The following SSX1 variants were observed in gnomAD, a reference collection of about 807,000 sequenced individuals.
The protein encoded by SSX1 is SSX family member 1.
In SSX1, 58 loss-of-function variants were observed where a neutral mutation model predicts 14.6. That is an observed-to-expected ratio of 3.96 (90% CI 3.21 to 4.93). The LOEUF is 4.93. Among genes scored for constraint, SSX1 ranks in the 30% most tolerant of loss-of-function variants. The pLI is 0.00. For synonymous variants in SSX1, 46 were observed against 52.1 expected (o/e 0.88, Z 0.50); for missense variants, 272 against 143.1 (o/e 1.90, Z -4.60).
rs1313854393 is a variant in SSX1 at position 48,262,490 on chromosome X, G to C, written c.330+675G>C. Among the ~76,000 whole-genome samples the C allele has an allele frequency of 3.6e-5, 4 of 111,737 alleles. No homozygotes were observed. In the East Asian group the frequency reaches 1.1e-3, roughly 32 times the overall value. On this transcript the variant is annotated intron_variant, in intron 5 of 7. Transcript: ENST00000376919. ...ACCAGCTGGCCTCTGCTCTGTTACC[G>C]GGGCCACTCCCATGGCTTAGGAATC...
chrX:48,255,923 C>G (rs1556934227), intron 1 of SSX1, among the ~76,000 whole-genome samples: 12 of 92,775 alleles, frequency 1.3e-4, no homozygotes, highest in Admixed American at 2.4e-4. Flanking sequence ...TAGTAGAAAC[C>G]AGGTTTCACT....
Position 48,257,315 on chromosome X carries a change from C to T in SSX1, c.69+5C>T, listed in dbSNP as rs781992089. 3.3e-6 allele frequency: 4 copies of T among 1,207,389 alleles called. No homozygotes were observed. The highest frequency in any genetic ancestry group is 1.8e-5 in the African/African-American group (1 of 56,850). ...GCATCAGAGAAGAGAAGCAAGGTGA[C>T]GTGACCTGGAGGGGGCAGAGCAGTG... On this transcript the variant is annotated splice_donor_5th_base_variant and intron_variant, in intron 2 of 7. Coordinates refer to ENST00000376919, the MANE Select transcript of SSX1 (RefSeq NM_005635.4).
chrX:48,266,651 C>T (rs1270292463), intron 7 of SSX1, among the ~76,000 whole-genome samples: 1 of 111,621 alleles, frequency 9.0e-6, no homozygotes, highest in Non-Finnish European at 1.9e-5. Flanking sequence ...CTTCTTCTAG[C>T]CTAGGAATGC....
At chrX:48,259,907 A>C (rs1441745761) in intron 4 of SSX1, among the ~76,000 whole-genome samples, 3 of 104,532 alleles carry the variant, frequency 2.9e-5, no homozygotes, top group African/African-American at 1.0e-4. Context: ...TGCCACAATA[A>C]ACATATGTGT....
Position 48,267,279 on chromosome X carries a change from G to GCACACA in SSX1, c.*438_*443dup, listed in dbSNP as rs1181335448. 3 of 217,774 alleles carry GCACACA rather than the reference G, an allele frequency of 1.4e-5. No homozygotes were observed. The highest frequency in any genetic ancestry group is 1.9e-4 in the South Asian group (2 of 10,592). The allele number at this position is 217,774 out of a possible 1,213,427, so 17.9% of individuals were successfully genotyped here. A position where few individuals can be genotyped will look rare whatever the true frequency, so the allele number is the denominator to read the frequency against. On this transcript the variant is annotated 3_prime_UTR_variant, in exon 8 of 8. Transcript: ENST00000376919. ...TTTACACACACACACACACACACAC[G>GCACACA]CACACACACACACCAAGTACCAGTA...
chrX:48,266,208 A>G (rs2059622584), intron 6 of SSX1, 79 bp from the exon 7 acceptor site: 3 of 1,201,531 alleles, frequency 2.5e-6, no homozygotes, highest in East Asian at 3.0e-5. Context: ...GGGAGGAGGC[A>G]TCTCCTTTTT....
chrX:48,261,874 A>C, intron 5 of SSX1, 59 bp downstream of exon 5: 1 of 1,162,504 alleles, frequency 8.6e-7, no homozygotes, highest in South Asian at 1.9e-5. Flanking sequence ...GGATGTGAAC[A>C]CTGATAAGAC....
intron 5 of SSX1, among the ~76,000 whole-genome samples, chrX:48,262,784 C>T (rs1445733405): frequency 8.9e-6 from 1 of 111,788 alleles, no homozygotes; most frequent in Non-Finnish European, 1.9e-5. Flanking sequence ...AGAGGATTTT[C>T]CCTTAGCTTA....
chrX:48,257,596 A>G (rs1377109345), intron 2 of SSX1, 150 bp from the exon 3 acceptor site: 18 of 1,161,015 alleles, frequency 1.6e-5, no homozygotes, highest in Non-Finnish European at 2.1e-5. Context: ...AAGCTAGGGT[A>G]GGTCCCCCAT....
At chrX:48,256,883 T>G (rs782007690) in intron 1 of SSX1, among the ~76,000 whole-genome samples, 4 of 109,754 alleles carry the variant, frequency 3.6e-5, no homozygotes, top group African/African-American at 1.3e-4. Flanking sequence ...TTCAATAAAA[T>G]TACACAGTCA....
chrX:48,256,028 T>A (rs1490041040), intron 1 of SSX1, among the ~76,000 whole-genome samples: 3 of 101,146 alleles, frequency 3.0e-5, no homozygotes, highest in Non-Finnish European at 6.0e-5. Flanking sequence ...CCCTGCTAGT[T>A]TTGTTGTTGT....
intron 1 of SSX1, among the ~76,000 whole-genome samples, chrX:48,256,757 G>C (rs1399515709): frequency 8.6e-5 from 7 of 81,705 alleles, no homozygotes; most frequent in Non-Finnish European, 1.6e-4. Context: ...CTCTTCAACA[G>C]AACAGAACCC....
rs1438080677 is a variant in SSX1 at position 48,257,258 on chromosome X, C to A, written c.17C>A (p.Thr6Asn). The A allele has an allele frequency of 1.7e-6, 2 of 1,209,146 alleles. No homozygotes were observed. Among genetic ancestry groups the A allele is most frequent in the Admixed American group, 2.2e-5 (1 of 45,717 alleles). Residue 6 changes from threonine (T) to asparagine (N), a missense_variant, in exon 2 of 8, where the codon ACC becomes AAC. Physicochemically the swap from Thr to Asn is moderately conservative, Grantham distance 65 (BLOSUM62 0). Transcript: ENST00000376919. Reference sequence around the variant, plus strand: ...CCTGGTGCCATGAACGGAGACGACACCTTTGCAAAGAGACCCAGGGATGAT... The same window carrying A: ...CCTGGTGCCATGAACGGAGACGACAACTTTGCAAAGAGACCCAGGGATGAT... MNGDD[T>N]FAKRPRDDAK...
In SSX1 at chrX:48,259,779, A is replaced by G. The variant is rs782388110; in HGVS notation, c.280+1148A>G. 1.0e-4 allele frequency among the ~76,000 whole-genome samples: 11 copies of G among 108,414 alleles called. 1 individual carries two copies. The South Asian group carries it at 4.5e-3, about 44-fold the overall frequency. 94.1% of individuals were successfully genotyped at this position (108,414 alleles called of 115,157 possible). A position where few individuals can be genotyped will look rare whatever the true frequency, so the allele number is the denominator to read the frequency against. On this transcript the variant is annotated intron_variant, in intron 4 of 7. Coordinates refer to ENST00000376919, the MANE Select transcript of SSX1 (RefSeq NM_005635.4). ...ATCCATGTCCCTGCAAAGGACATGA[A>G]CTCATCATTTTTTATGGCTGCATAG...
rs781809698 is a variant in SSX1, at chrX:48,263,848, C to T, written c.397C>T (p.Gln133Ter). 27 of 1,209,664 alleles carry T rather than the reference C, an allele frequency of 2.2e-5. No individual in the cohort carries two copies. In the Admixed American group the frequency reaches 5.7e-4, roughly 26 times the overall value. ...SKGVSEASGP[Q>*]NDGKQLHPPG... ...GGGAGTGTCAGAAGCATCTGGCCCA[C>T]AAAACGATGGGAAACAACTGCACCC... is the stretch of plus-strand genomic sequence containing the variant. The change falls in exon 6 of 8, where the codon CAA becomes TAA. Residue 133 changes from glutamine (Q) to a stop codon, truncating the protein, a stop_gained. Transcript: ENST00000376919. LOFTEE classifies it high-confidence loss of function.
chrX:48,262,482 C>G (rs1203109854), intron 5 of SSX1, among the ~76,000 whole-genome samples: 1 of 112,046 alleles, frequency 8.9e-6, no homozygotes, highest in East Asian at 2.8e-4. Context: ...GGCCTCTGCT[C>G]TGTTACCGGG....
At position 48,266,716 on chromosome X, in the gene SSX1, C is replaced by T. The variant is rs183560378; in HGVS notation, c.*5-138C>T. 346 of 509,192 alleles carry T rather than the reference C, an allele frequency of 6.8e-4. 3 individuals carry two copies. The East Asian group carries it at 0.012, about 17-fold the overall frequency. 42.0% of individuals were successfully genotyped at this position (509,192 alleles called of 1,213,427 possible). A position where few individuals can be genotyped will look rare whatever the true frequency, so the allele number is the denominator to read the frequency against. On this transcript the variant is annotated intron_variant, in intron 7 of 7. Coordinates refer to ENST00000376919, the MANE Select transcript of SSX1 (RefSeq NM_005635.4). ...TGAGCAGATGGTTCACTTCGAGGAA[C>T]CATGGAAGGCGTGTCCAGGTCCTGG...
intron 5 of SSX1, among the ~76,000 whole-genome samples, chrX:48,263,144 G>A (rs1346786839): frequency 1.1e-4 from 12 of 105,998 alleles, no homozygotes; most frequent in Non-Finnish European, 1.5e-4. Flanking sequence ...AAAAAAAAAA[G>A]AGTAGCTTAA....
In SSX1 at chrX:48,261,776, T is replaced by G; in HGVS notation, c.291T>G (p.Pro97=). 1 of 1,211,302 alleles carries G rather than the reference T, an allele frequency of 8.3e-7. No homozygotes were observed. The highest frequency in any genetic ancestry group is 1.8e-5 in the South Asian group (1 of 56,966). ...TGTGTTCTCTTTCAGTTGAACATCC[T>G]CAGATGACTTTCGGCAGGCTCCACA... ...DHNRRIQVEH[P]QMTFGRLHRI... is the part of the protein sequence containing the mutation. Residue 97 remains proline, a synonymous_variant, in exon 5 of 8, where the codon CCT becomes CCG. Coordinates refer to ENST00000376919, the MANE Select transcript of SSX1 (RefSeq NM_005635.4).
Sources: allele counts gnomAD v4.1 joint callset (sites outside exome capture counted in the v4.1 genomes callset), GRCh38; gene constraint gnomAD v4.1.1; transcripts MANE v1.5; gene names NCBI Gene and HGNC (gene_info 2026-07-23, HGNC 2026-07-21).